GNAI1: variants seen among roughly 807,000 people sequenced by gnomAD.
GNAI1 encodes G protein subunit alpha i1.
Under a neutral mutation model 38.9 loss-of-function variants are expected in GNAI1, and 11 were observed. The observed-to-expected ratio is 0.28, with a 90% confidence interval of 0.18 to 0.47. The LOEUF (loss-of-function observed/expected upper bound fraction) is 0.47. Ranked by LOEUF, GNAI1 falls within the 20% of genes least tolerant of loss-of-function variation. GNAI1 has a pLI of 0.99. For synonymous variants in GNAI1, 166 were observed against 145.1 expected (o/e 1.14, Z -1.04); for missense variants, 317 against 436.9 (o/e 0.73, Z 2.45).
intron 1 of GNAI1, among the ~76,000 whole-genome samples, chr7:80,149,715 T>A (rs1403695356): frequency 6.6e-6 from 1 of 152,174 alleles, no homozygotes. Flanking sequence ...ATTTTGTTAT[T>A]TTTTCACCTA....
intron 1 of GNAI1, among the ~76,000 whole-genome samples, chr7:80,166,845 T>A (rs1788017973): frequency 6.6e-6 from 1 of 152,200 alleles, no homozygotes; most frequent in Admixed American, 6.5e-5. Flanking sequence ...TGCTGCAGCT[T>A]CCCAAGCAGG....
rs142994378 is a variant in GNAI1, at chr7:80,139,379, C to G, written c.118+4101C>G. Among the ~76,000 whole-genome samples, 344 of 152,258 alleles carry G rather than the reference C, an allele frequency of 2.3e-3. 3 individuals are homozygous for G. Among genetic ancestry groups the G allele is most frequent in the African/African-American group, 7.8e-3 (326 of 41,562 alleles). ...TTTTCCGTTTCCTGCAGAATAAAAT[C>G]TTTTAGACTTGGCTTCCCTCTAGCC... On this transcript the variant is annotated intron_variant, in intron 1 of 7. Transcript: ENST00000649796.
intron 1 of GNAI1, among the ~76,000 whole-genome samples, chr7:80,158,119 G>A (rs902876035): frequency 2.0e-5 from 3 of 152,106 alleles, no homozygotes; most frequent in African/African-American, 7.2e-5. Flanking sequence ...TTTCTGTGTT[G>A]ATTATGATAG....
chr7:80,151,777 A>G (rs1363491937), intron 1 of GNAI1, among the ~76,000 whole-genome samples: 1 of 152,196 alleles, frequency 6.6e-6, no homozygotes, highest in Non-Finnish European at 1.5e-5. Context: ...ACTGTGTCAA[A>G]GGTTGTGTGG....
chr7:80,138,221 G>A (rs1165437197), intron 1 of GNAI1, among the ~76,000 whole-genome samples: 1 of 152,132 alleles, frequency 6.6e-6, no homozygotes, highest in African/African-American at 2.4e-5. Context: ...CTTAAGGAAT[G>A]TATTGTCATT....
chr7:80,146,527 C>T (rs139715313), intron 1 of GNAI1, among the ~76,000 whole-genome samples: 25 of 152,142 alleles, frequency 1.6e-4, no homozygotes, highest in South Asian at 4.1e-4. Context: ...CAAGTGCTGA[C>T]CTTATTTTTT....
At chr7:80,150,364 G>T (rs574208983) in intron 1 of GNAI1, among the ~76,000 whole-genome samples, 1 of 152,280 alleles carries the variant, frequency 6.6e-6, no homozygotes, top group African/African-American at 2.4e-5. Context: ...TAGAACTATA[G>T]AAATGAAGTG....
chr7:80,209,230 G>A (rs1271035229), intron 5 of GNAI1, among the ~76,000 whole-genome samples: 1 of 152,158 alleles, frequency 6.6e-6, no homozygotes, highest in Non-Finnish European at 1.5e-5. Context: ...CACTAAAGTT[G>A]TATCATCAGT....
intron 1 of GNAI1, chr7:80,135,959 T>G (rs1787406948): frequency 2.0e-6 from 2 of 985,116 alleles, no homozygotes; most frequent in Non-Finnish European, 2.4e-6. Context: ...GCTTTAGTAG[T>G]AGGCAAGGCA....
chr7:80,204,760 C>T (rs1788744350), intron 5 of GNAI1, among the ~76,000 whole-genome samples: 1 of 151,982 alleles, frequency 6.6e-6, no homozygotes, highest in Admixed American at 6.6e-5. Context: ...TTCATCATTT[C>T]TGTTAATGTA....
chr7:80,150,148 T>C (rs1272515744), intron 1 of GNAI1, among the ~76,000 whole-genome samples: 1 of 152,208 alleles, frequency 6.6e-6, no homozygotes, highest in Non-Finnish European at 1.5e-5. Flanking sequence ...TAGTAAAGGT[T>C]ACATACCTTT....
intron 1 of GNAI1, among the ~76,000 whole-genome samples, chr7:80,170,225 C>T (rs893747486): frequency 2.0e-5 from 3 of 152,164 alleles, no homozygotes; most frequent in East Asian, 1.9e-4. Context: ...GAGTGTTTTC[C>T]AAAGTGGTTG....
intron 3 of GNAI1, among the ~76,000 whole-genome samples, chr7:80,197,064 A>G (rs916112482): frequency 6.6e-6 from 1 of 151,458 alleles, no homozygotes; most frequent in African/African-American, 2.4e-5. Flanking sequence ...TTCTTTCAAT[A>G]TGTCTCTCTA....
At chr7:80,211,290 C>T (rs1788868680) in intron 6 of GNAI1, among the ~76,000 whole-genome samples, 192 bp downstream of exon 6, 1 of 152,140 alleles carries the variant, frequency 6.6e-6, no homozygotes, top group African/African-American at 2.4e-5. Context: ...GAGAGTCAAT[C>T]TCACCTCAAG....
chr7:80,216,959 C>A lies in GNAI1; in HGVS notation c.875-344C>A, dbSNP rs183631408. Among the ~76,000 whole-genome samples, 19 of 152,130 alleles carry A rather than the reference C, an allele frequency of 1.2e-4. No homozygotes were observed. In the East Asian group the frequency reaches 3.5e-3, roughly 28 times the overall value. On this transcript the variant is annotated intron_variant, in intron 7 of 7. Transcript: ENST00000649796. ...GGCCAGAACTGAAATAGCATGCCGTCGTCAAGCATCTGAGCTGGGGTGTAG... is the reference window on the plus strand; with the variant it reads ...GGCCAGAACTGAAATAGCATGCCGTAGTCAAGCATCTGAGCTGGGGTGTAG...
At chr7:80,160,168 G>C (rs1787896961) in intron 1 of GNAI1, among the ~76,000 whole-genome samples, 1 of 151,080 alleles carries the variant, frequency 6.6e-6, no homozygotes, top group Non-Finnish European at 1.5e-5. Context: ...GCATACTCTA[G>C]GTAGCCTCTC....
intron 1 of GNAI1, among the ~76,000 whole-genome samples, chr7:80,160,708 T>C (rs997579128): frequency 6.6e-6 from 1 of 152,224 alleles, no homozygotes; most frequent in Non-Finnish European, 1.5e-5. Context: ...GAATTGTTGA[T>C]GTAGTCCATT....
chr7:80,177,622 C>G (rs938913619), intron 1 of GNAI1, among the ~76,000 whole-genome samples: 2 of 152,142 alleles, frequency 1.3e-5, no homozygotes, highest in African/African-American at 4.8e-5. Flanking sequence ...GCTAGGACTA[C>G]AAAATGCCTG....
At chr7:80,194,748 C>A (rs1584041819) in intron 3 of GNAI1, among the ~76,000 whole-genome samples, 1 of 152,150 alleles carries the variant, frequency 6.6e-6, no homozygotes, top group Admixed American at 6.5e-5. Context: ...CCACATTTAT[C>A]ATGTAATAAG....
Sources: allele counts gnomAD v4.1 joint callset (sites outside exome capture counted in the v4.1 genomes callset), GRCh38; gene constraint gnomAD v4.1.1; transcripts MANE v1.5; gene names NCBI Gene and HGNC (gene_info 2026-07-23, HGNC 2026-07-21).